Variants in BCHE observed in about 807,000 individuals in gnomAD.
BCHE encodes cholinesterase.
Under a neutral mutation model 51.3 loss-of-function variants are expected in BCHE, and 48 were observed. The ratio of observed to expected loss-of-function variants is 0.94; its 90% CI spans 0.74 to 1.19. The LOEUF (loss-of-function observed/expected upper bound fraction) is 1.19. BCHE is among the 50% of genes most tolerant of loss of function. The pLI, the probability that BCHE is intolerant of heterozygous loss-of-function variation, is 0.00. For missense variants in BCHE, 847 were observed against 708.2 expected, an observed-to-expected ratio of 1.20 and a Z score of -2.23; for synonymous variants, 251 against 238.0, an observed-to-expected ratio of 1.05 and a Z score of -0.50.
intron 2 of BCHE, among the ~76,000 whole-genome samples, chr3:165,825,050 T>C (rs777116562): frequency 6.6e-6 from 1 of 151,848 alleles, no homozygotes; most frequent in African/African-American, 2.4e-5. Context: ...TGTGAAAACA[T>C]AGTGTACTCC....
At chr3:165,827,037 T>G (rs1203352309) in intron 2 of BCHE, among the ~76,000 whole-genome samples, 2 of 152,230 alleles carry the variant, frequency 1.3e-5, no homozygotes, top group East Asian at 3.9e-4. Context: ...CCTTGGAAAT[T>G]ACAGATTTGG....
intron 2 of BCHE, among the ~76,000 whole-genome samples, chr3:165,791,534 A>G (rs879506014): frequency 6.6e-6 from 1 of 152,226 alleles, no homozygotes; most frequent in African/African-American, 2.4e-5. Flanking sequence ...TAGATTAGAT[A>G]TAAAGAGGAA....
At chr3:165,811,064 T>C (rs1045418593) in intron 2 of BCHE, among the ~76,000 whole-genome samples, 1 of 152,172 alleles carries the variant, frequency 6.6e-6, no homozygotes, top group Non-Finnish European at 1.5e-5. Context: ...TAATTGATAT[T>C]TAAGACGCAA....
chr3:165,785,942 G>T (rs540139439), intron 3 of BCHE, among the ~76,000 whole-genome samples: 1 of 151,544 alleles, frequency 6.6e-6, no homozygotes, highest in African/African-American at 2.4e-5. Context: ...AACTACTAAA[G>T]TACTGGTCAT....
At chr3:165,777,187 A>G (rs965267963) in intron 3 of BCHE, among the ~76,000 whole-genome samples, 14 of 151,926 alleles carry the variant, frequency 9.2e-5, no homozygotes, top group Non-Finnish European at 1.9e-4. Context: ...ATTCTTGTAG[A>G]ATTTCATGCA....
chr3:165,821,607 G>C (rs1429641553), intron 2 of BCHE, among the ~76,000 whole-genome samples: 1 of 151,856 alleles, frequency 6.6e-6, no homozygotes, highest in Admixed American at 6.6e-5. Context: ...ACAAATTATT[G>C]AGTGTATTTC....
At chr3:165,812,266 A>G (rs1354678048) in intron 2 of BCHE, among the ~76,000 whole-genome samples, 1 of 132,560 alleles carries the variant, frequency 7.5e-6, no homozygotes, top group Admixed American at 8.5e-5. Flanking sequence ...GGAAAAAAAA[A>G]TGGATCTCAT....
intron 2 of BCHE, among the ~76,000 whole-genome samples, chr3:165,789,166 A>G (rs1335870163): frequency 6.6e-6 from 1 of 152,132 alleles, no homozygotes; most frequent in African/African-American, 2.4e-5. Context: ...ATGAAGTTGT[A>G]TGTGTTCTAT....
chr3:165,832,423 G>T (rs1715023635), intron 1 of BCHE, among the ~76,000 whole-genome samples: 1 of 151,814 alleles, frequency 6.6e-6, no homozygotes, highest in African/African-American at 2.4e-5. Flanking sequence ...CTCCCAAGTA[G>T]CTGGGATTAC....
intron 3 of BCHE, among the ~76,000 whole-genome samples, chr3:165,777,431 T>C (rs1022785928): frequency 6.6e-6 from 1 of 151,778 alleles, no homozygotes; most frequent in African/African-American, 2.4e-5. Context: ...ATATGTAAAA[T>C]AGGGAACTGT....
chr3:165,814,725 C>T (rs1026597236), intron 2 of BCHE, among the ~76,000 whole-genome samples: 11 of 151,908 alleles, frequency 7.2e-5, no homozygotes, highest in Non-Finnish European at 1.5e-4. Flanking sequence ...AAATTTTGTT[C>T]CTTGGGGCTA....
intron 2 of BCHE, among the ~76,000 whole-genome samples, chr3:165,824,117 A>C (rs1277110295): frequency 6.6e-6 from 1 of 151,916 alleles, no homozygotes; most frequent in African/African-American, 2.4e-5. Context: ...AGAAATTAAA[A>C]TAAACAAAAT....
chr3:165,793,154 G>A (rs1188516682), intron 2 of BCHE, among the ~76,000 whole-genome samples: 1 of 151,978 alleles, frequency 6.6e-6, no homozygotes. Flanking sequence ...TAATTTTATG[G>A]CTTTAGGTCT....
At chr3:165,777,635 C>G (rs1460706790) in intron 3 of BCHE, 1 of 275,584 alleles carries the variant, frequency 3.6e-6, no homozygotes, top group African/African-American at 2.2e-5. Context: ...TTTGCAAGTA[C>G]AAATGTTTAA....
chr3:165,789,538 C>T (rs1713090746), intron 2 of BCHE, among the ~76,000 whole-genome samples: 1 of 151,918 alleles, frequency 6.6e-6, no homozygotes, highest in African/African-American at 2.4e-5. Context: ...TAAAATTATC[C>T]TTAGGAATTC....
intron 2 of BCHE, among the ~76,000 whole-genome samples, chr3:165,819,919 T>C (rs1419478052): frequency 6.6e-6 from 1 of 152,200 alleles, no homozygotes; most frequent in Non-Finnish European, 1.5e-5. Context: ...AAATTATTAC[T>C]TTGATTTCTA....
At chr3:165,792,989 G>T (rs1435886875) in intron 2 of BCHE, among the ~76,000 whole-genome samples, 1 of 152,008 alleles carries the variant, frequency 6.6e-6, no homozygotes, top group East Asian at 1.9e-4. Context: ...CCTTTTCTCT[G>T]TTAATTGTTT....
intron 2 of BCHE, among the ~76,000 whole-genome samples, chr3:165,802,450 A>G (rs2108214965): frequency 6.6e-6 from 1 of 152,260 alleles, no homozygotes; most frequent in Non-Finnish European, 1.5e-5. Flanking sequence ...CTGGAGAGAA[A>G]AGAGTAGGAC....
chr3:165,783,589 C>T (rs570119501), intron 3 of BCHE, among the ~76,000 whole-genome samples: 3 of 152,100 alleles, frequency 2.0e-5, no homozygotes, highest in South Asian at 2.1e-4. Flanking sequence ...TAAATTTACA[C>T]GTGCTTTTTA....
Sources: gnomAD v4.1 joint callset for allele counts (sites outside exome capture counted in the v4.1 genomes callset) on GRCh38, gnomAD v4.1.1 for gene constraint, MANE v1.5 for transcripts, NCBI Gene and HGNC (gene_info 2026-07-23, HGNC 2026-07-21) for gene names.